ZCCHC7: variants seen among roughly 807,000 people sequenced by gnomAD.
ZCCHC7 encodes zinc finger CCHC domain-containing protein 7.
A neutral mutation model predicts 52.0 loss-of-function variants in ZCCHC7; 35 were observed. The observed-to-expected ratio is 0.67, with a 90% confidence interval of 0.51 to 0.89. The LOEUF (loss-of-function observed/expected upper bound fraction) is 0.89, where lower values mean the gene tolerates loss of function less well. Among genes scored for constraint, ZCCHC7 ranks in the 40% least tolerant of loss-of-function variants. The pLI is 0.00. For synonymous variants in ZCCHC7, 217 were observed against 221.5 expected (o/e 0.98, Z 0.18); for missense variants, 574 against 649.1 (o/e 0.88, Z 1.26).
chr9:37,302,313 T>A, intron 3 of ZCCHC7, 82 bp downstream of exon 3: 1 of 1,132,842 alleles, frequency 8.8e-7, no homozygotes, highest in Non-Finnish European at 1.3e-6. Flanking sequence ...GGAACATTAA[T>A]AAGTTTAAGT....
At chr9:37,198,629 G>T (rs913641531) in intron 2 of ZCCHC7, among the ~76,000 whole-genome samples, 2 of 152,194 alleles carry the variant, frequency 1.3e-5, no homozygotes, top group African/African-American at 2.4e-5. Context: ...AAAAGAGAAA[G>T]AATTCAGTTG....
chr9:37,287,471 T>G (rs1828307685), intron 2 of ZCCHC7, among the ~76,000 whole-genome samples: 1 of 152,142 alleles, frequency 6.6e-6, no homozygotes, highest in Non-Finnish European at 1.5e-5. Context: ...TATAGGTACA[T>G]TGGTACCTAT....
At chr9:37,204,813 A>C (rs1313170852) in intron 2 of ZCCHC7, among the ~76,000 whole-genome samples, 1 of 152,150 alleles carries the variant, frequency 6.6e-6, no homozygotes, top group Non-Finnish European at 1.5e-5. Flanking sequence ...CTTCATATGA[A>C]TTTTAAAGTA....
chr9:37,206,217 C>T (rs1823899939), intron 2 of ZCCHC7, among the ~76,000 whole-genome samples: 1 of 152,040 alleles, frequency 6.6e-6, no homozygotes, highest in South Asian at 2.1e-4. Context: ...AGTACTAAGC[C>T]AGAAAATTGA....
chr9:37,207,936 G>C (rs966741154), intron 2 of ZCCHC7, among the ~76,000 whole-genome samples: 3 of 151,826 alleles, frequency 2.0e-5, no homozygotes, highest in Non-Finnish European at 4.4e-5. Context: ...TTTTATGACC[G>C]AGGTTTAGTG....
chr9:37,135,764 G>C (rs1842972414), intron 2 of ZCCHC7, among the ~76,000 whole-genome samples: 1 of 152,154 alleles, frequency 6.6e-6, no homozygotes, highest in Non-Finnish European at 1.5e-5. Flanking sequence ...TTTTGAAACT[G>C]AAGTAAAATT....
At chr9:37,155,942 C>G (rs1467351379) in intron 2 of ZCCHC7, among the ~76,000 whole-genome samples, 1 of 152,204 alleles carries the variant, frequency 6.6e-6, no homozygotes, top group Non-Finnish European at 1.5e-5. Context: ...ACTAGAGTTC[C>G]TGACCTGTCA....
intron 2 of ZCCHC7, among the ~76,000 whole-genome samples, chr9:37,202,260 T>C (rs1823674528): frequency 6.6e-6 from 1 of 152,162 alleles, no homozygotes. Flanking sequence ...GCATGTACAA[T>C]AGTAGGACAG....
intron 2 of ZCCHC7, among the ~76,000 whole-genome samples, chr9:37,135,272 T>C (rs1044838930): frequency 3.3e-5 from 5 of 152,228 alleles, no homozygotes; most frequent in African/African-American, 1.2e-4. Context: ...CTAATGCACT[T>C]GTTACAGTCT....
At position 37,305,098 on chromosome 9, in the gene ZCCHC7, CT is replaced by C. The variant is rs1829237549; in HGVS notation, c.781-444del. 2.0e-5 allele frequency among the ~76,000 whole-genome samples: 3 copies of C among 152,322 alleles called. No individual in the cohort carries two copies. The South Asian group carries it at 6.2e-4, about 32-fold the overall frequency. On this transcript the variant is annotated intron_variant, in intron 4 of 8. Transcript: ENST00000336755. ...ACGTTTCCTGACCAGATAATTAGCT[CT>C]TAACAAACATTTCTTCCATTTCTCC...
chr9:37,174,020 C>T (rs1471844533), intron 2 of ZCCHC7, among the ~76,000 whole-genome samples: 1 of 152,032 alleles, frequency 6.6e-6, no homozygotes, highest in African/African-American at 2.4e-5. Context: ...TACAAAAATT[C>T]GATGAGTTAG....
intron 3 of ZCCHC7, among the ~76,000 whole-genome samples, chr9:37,303,590 C>T (rs1480055887): frequency 2.8e-5 from 4 of 142,400 alleles, no homozygotes; most frequent in African/African-American, 5.2e-5. Context: ...ACTCAGCAGG[C>T]GGGAGGGGCA....
At chr9:37,189,200 G>A (rs1822886754) in intron 2 of ZCCHC7, among the ~76,000 whole-genome samples, 1 of 151,214 alleles carries the variant, frequency 6.6e-6, no homozygotes. Flanking sequence ...TTTTATAATA[G>A]TGGCTTTAAA....
chr9:37,335,674 T>C (rs949985027), intron 6 of ZCCHC7, among the ~76,000 whole-genome samples: 9 of 152,144 alleles, frequency 5.9e-5, no homozygotes, highest in Admixed American at 3.9e-4. Context: ...CATTAGGAGA[T>C]TCCTAAGGAC....
chr9:37,142,852 C>T (rs962489127), intron 2 of ZCCHC7, among the ~76,000 whole-genome samples: 1 of 151,620 alleles, frequency 6.6e-6, no homozygotes, highest in Non-Finnish European at 1.5e-5. Context: ...CAAGGTATAA[C>T]CTGTGATATA....
intron 2 of ZCCHC7, among the ~76,000 whole-genome samples, chr9:37,227,389 CTT>C (rs903364309): frequency 1.3e-5 from 2 of 152,072 alleles, no homozygotes; most frequent in Non-Finnish European, 2.9e-5. Flanking sequence ...GAAAATGAAA[CTT>C]AAAACCACAA....
At chr9:37,173,310 T>C (rs1821842536) in intron 2 of ZCCHC7, among the ~76,000 whole-genome samples, 1 of 152,258 alleles carries the variant, frequency 6.6e-6, no homozygotes, top group African/African-American at 2.4e-5. Flanking sequence ...CCCTGCAGAC[T>C]GATTATGAAG....
At chr9:37,246,776 G>A (rs192514208) in intron 2 of ZCCHC7, among the ~76,000 whole-genome samples, 107 of 152,228 alleles carry the variant, frequency 7.0e-4, no homozygotes, top group Non-Finnish European at 1.2e-3. Context: ...GTATCGATGG[G>A]TTCTACAGGA....
At chr9:37,272,511 A>AAAG (rs1554722191) in intron 2 of ZCCHC7, among the ~76,000 whole-genome samples, 32 of 150,560 alleles carry the variant, frequency 2.1e-4, no homozygotes, top group Admixed American at 1.6e-3. Context: ...AAAAAAAAAA[A>AAAG]AAAGAAAGAA....
Sources: gnomAD v4.1 joint callset for allele counts (sites outside exome capture counted in the v4.1 genomes callset) on GRCh38, gnomAD v4.1.1 for gene constraint, MANE v1.5 for transcripts, NCBI Gene and HGNC (gene_info 2026-07-23, HGNC 2026-07-21) for gene names.